Variants in POMK observed in about 807,000 individuals in gnomAD.
The protein encoded by POMK is protein O-mannose kinase, also known as Sugen kinase 196.
POMK carries 19 observed loss-of-function variants against 23.0 expected under a neutral mutation model. The ratio of observed to expected loss-of-function variants is 0.83; its 90% CI spans 0.58 to 1.21. The LOEUF is 1.21. Among genes scored for constraint, POMK ranks in the 50% most tolerant of loss-of-function variants. The pLI, the probability that POMK is intolerant of heterozygous loss-of-function variation, is 0.00. For synonymous variants in POMK, 173 were observed against 171.6 expected (o/e 1.01, Z -0.06); for missense variants, 410 against 431.3 (o/e 0.95, Z 0.44).
chr8:43,099,566 C>T (rs770349520), intron 2 of POMK, among the ~76,000 whole-genome samples: 2 of 152,184 alleles, frequency 1.3e-5, no homozygotes, highest in Non-Finnish European at 2.9e-5. Flanking sequence ...TTATCAATCA[C>T]GGTAGATGCT....
chr8:43,095,370 G>A (rs969914440), intron 1 of POMK, among the ~76,000 whole-genome samples: 1 of 152,114 alleles, frequency 6.6e-6, no homozygotes, highest in African/African-American at 2.4e-5. Flanking sequence ...TTTTGTTTTG[G>A]TTTGGTTTGG....
At chr8:43,112,938 C>G (rs189998503) in intron 4 of POMK, among the ~76,000 whole-genome samples, 4 of 152,148 alleles carry the variant, frequency 2.6e-5, no homozygotes, top group South Asian at 2.1e-4. Flanking sequence ...AAGGAACAAC[C>G]GGTACCAGCC....
chr8:43,102,913 A>G (rs185024885), intron 3 of POMK, among the ~76,000 whole-genome samples: 182 of 152,300 alleles, frequency 1.2e-3, no homozygotes, highest in African/African-American at 4.2e-3. Context: ...CTGTTATTCT[A>G]GCTCATGTAC....
At chr8:43,107,297 C>T (rs1811562560) in intron 4 of POMK, among the ~76,000 whole-genome samples, 1 of 152,040 alleles carries the variant, frequency 6.6e-6, no homozygotes, top group Non-Finnish European at 1.5e-5. Flanking sequence ...TAAAACAAAT[C>T]ACGATAGGAC....
intron 1 of POMK, among the ~76,000 whole-genome samples, chr8:43,093,865 G>C (rs1053531195): frequency 1.3e-5 from 2 of 152,252 alleles, no homozygotes; most frequent in Non-Finnish European, 2.9e-5. Context: ...CGGGAGGATC[G>C]CGTGAGCTCA....
intron 2 of POMK, among the ~76,000 whole-genome samples, chr8:43,098,137 C>T (rs1811371573): frequency 6.6e-6 from 1 of 152,186 alleles, no homozygotes; most frequent in South Asian, 2.1e-4. Context: ...AGATATAATT[C>T]ACAAACCATA....
intron 4 of POMK, among the ~76,000 whole-genome samples, chr8:43,112,546 T>A (rs1035333855): frequency 8.6e-5 from 13 of 152,022 alleles, no homozygotes; most frequent in Non-Finnish European, 1.0e-4. Flanking sequence ...AACATTCACA[T>A]TCAGGAAATA....
chr8:43,098,188 C>T (rs1297958195), intron 2 of POMK, among the ~76,000 whole-genome samples: 1 of 152,174 alleles, frequency 6.6e-6, no homozygotes, highest in African/African-American at 2.4e-5. Context: ...TGATATTTAG[C>T]ATATTTACAA....
chr8:43,116,179 A>G (rs975625287), intron 4 of POMK, among the ~76,000 whole-genome samples: 1 of 152,262 alleles, frequency 6.6e-6, no homozygotes, highest in Non-Finnish European at 1.5e-5. Flanking sequence ...TGTAAATTTC[A>G]TGGTGGTAGG....
chr8:43,112,281 A>G (rs892328435), intron 4 of POMK, among the ~76,000 whole-genome samples: 7 of 152,388 alleles, frequency 4.6e-5, no homozygotes, highest in African/African-American at 1.4e-4. Context: ...CACAAGCCTC[A>G]GTAACCTATG....
At position 43,122,880 on chromosome 8, in the gene POMK, A is replaced by G; in HGVS notation, c.*3A>G. The G allele has an allele frequency of 6.3e-7, 1 of 1,599,148 alleles. No homozygotes were observed. The highest frequency in any genetic ancestry group is 2.2e-5 in the East Asian group (1 of 44,740). On this transcript the variant is annotated 3_prime_UTR_variant, in exon 5 of 5. Transcript: ENST00000331373. ...CTCAGGCAAGAGAGATGCTGTGAAA[A>G]CCAGTCCAGCCAATGAAGGTGGGAT...
chr8:43,119,208 T>C (rs1811860844), intron 4 of POMK, among the ~76,000 whole-genome samples: 1 of 152,164 alleles, frequency 6.6e-6, no homozygotes, highest in Non-Finnish European at 1.5e-5. Context: ...TTGCCAGTTC[T>C]GGTGGTGACC....
In POMK at chr8:43,122,315, T is replaced by C; in HGVS notation, c.491T>C (p.Leu164Pro). 2 of 1,614,142 alleles carry C rather than the reference T, an allele frequency of 1.2e-6. No homozygotes were observed. Among genetic ancestry groups the C allele is most frequent in the Non-Finnish European group, 1.7e-6 (2 of 1,180,032 alleles). The change falls in exon 5 of 5, where the codon CTA becomes CCA. Residue 164 changes from leucine (L) to proline (P), a missense_variant. Physicochemically the swap from Leu to Pro is moderately conservative, Grantham distance 98 (BLOSUM62 -3). Transcript: ENST00000331373. ...TCCTTGAGTAACCTGGAAGAAACAC[T>C]AAACCTTTCAAAGTACCAAAATGTG... is the stretch of plus-strand genomic sequence containing the variant. ...LGSLSNLEET[L>P]NLSKYQNVNT...
intron 4 of POMK, among the ~76,000 whole-genome samples, chr8:43,117,373 T>A (rs561866632): frequency 6.6e-6 from 1 of 152,356 alleles, no homozygotes; most frequent in South Asian, 2.1e-4. Context: ...TTTACTGTTC[T>A]TTAAGTGGAA....
intron 4 of POMK, among the ~76,000 whole-genome samples, chr8:43,116,791 G>T (rs1456988414): frequency 1.3e-5 from 2 of 152,180 alleles, no homozygotes; most frequent in Admixed American, 1.3e-4. Flanking sequence ...TATTCTTCAA[G>T]ATAGGTAGAT....
At chr8:43,117,031 T>C (rs552551351) in intron 4 of POMK, among the ~76,000 whole-genome samples, 1 of 152,248 alleles carries the variant, frequency 6.6e-6, no homozygotes, top group African/African-American at 2.4e-5. Context: ...GGGGAGCTTT[T>C]TGAGCCAGGA....
chr8:43,103,204 C>T (rs765284243), intron 3 of POMK, among the ~76,000 whole-genome samples: 17 of 152,196 alleles, frequency 1.1e-4, no homozygotes, highest in Non-Finnish European at 1.2e-4. Flanking sequence ...TTGACTAATA[C>T]ATTTTGCTTT....
chr8:43,104,245 C>T (rs1034256704), intron 4 of POMK, among the ~76,000 whole-genome samples: 2 of 152,008 alleles, frequency 1.3e-5, no homozygotes, highest in Non-Finnish European at 2.9e-5. Flanking sequence ...GACTCAGCCT[C>T]CCGAGTAGCT....
Position 43,103,798 on chromosome 8 carries a change from C to T in POMK, c.250C>T (p.Leu84=), listed in dbSNP as rs755313239. The T allele has an allele frequency of 3.1e-6, 5 of 1,614,224 alleles. No individual in the cohort carries two copies. Among genetic ancestry groups the T allele is most frequent in the Non-Finnish European group, 1.7e-6 (2 of 1,180,048 alleles). ...GGAGCTGAGAACAGAAGTGAGACAGCTGAAGCGTGTTGGGGAAGGAGCTGT... is the reference window on the plus strand; with the variant it reads ...GGAGCTGAGAACAGAAGTGAGACAGTTGAAGCGTGTTGGGGAAGGAGCTGT... ...CEELRTEVRQ[L]KRVGEGAVKR... is the part of the protein sequence containing the mutation. Residue 84 remains leucine, a synonymous_variant, in exon 4 of 5, where the codon CTG becomes TTG. Coordinates refer to ENST00000331373, the MANE Select transcript of POMK (RefSeq NM_032237.5).
Sources: allele counts gnomAD v4.1 joint callset (sites outside exome capture counted in the v4.1 genomes callset), GRCh38; gene constraint gnomAD v4.1.1; transcripts MANE v1.5; gene names NCBI Gene and HGNC (gene_info 2026-07-23, HGNC 2026-07-21).